ZNF165: variants seen among roughly 807,000 people sequenced by gnomAD.
ZNF165 encodes zinc finger protein 165, also known as cancer/testis antigen 53.
ZNF165 carries 14 observed loss-of-function variants against 19.6 expected under a neutral mutation model. The ratio of observed to expected loss-of-function variants is 0.71; its 90% CI spans 0.47 to 1.12. The LOEUF (loss-of-function observed/expected upper bound fraction) is 1.12, where lower values mean the gene tolerates loss of function less well. ZNF165 is among the 50% of genes most tolerant of loss of function. ZNF165 has a pLI of 0.00. For missense variants in ZNF165, 504 were observed against 566.3 expected, an observed-to-expected ratio of 0.89 and a Z score of 1.12; for synonymous variants, 165 against 195.0, an observed-to-expected ratio of 0.85 and a Z score of 1.28.
rs575937241 is a variant in ZNF165, at chr6:28,088,534, G to A, written c.551-29G>A. On this transcript the variant is annotated intron_variant, in intron 3 of 3. Coordinates refer to ENST00000683778, the MANE Select transcript of ZNF165 (RefSeq NM_001376491.1). ...AATTTTCTTTTCGTGCAGCAAACAG[G>A]TAATATTTCCCTTTCTTTTTTATTT... is the stretch of plus-strand genomic sequence containing the variant. The A allele has an allele frequency of 1.2e-5, 18 of 1,551,160 alleles. No homozygotes were observed. The East Asian group carries it at 3.8e-4, about 33-fold the overall frequency.
At chr6:28,081,769 C>A (rs1018717224) in intron 1 of ZNF165, among the ~76,000 whole-genome samples, 10 of 152,156 alleles carry the variant, frequency 6.6e-5, no homozygotes, top group Admixed American at 2.0e-4. Context: ...CTTCACACAT[C>A]TGCTTACCCA....
Position 28,085,838 on chromosome 6 carries a change from G to T in ZNF165, c.358G>T (p.Ala120Ser). 1 of 1,613,514 alleles carries T rather than the reference G, an allele frequency of 6.2e-7. No homozygotes were observed. Residue 120 changes from alanine to serine, a missense_variant, in exon 2 of 4, where the codon GCA becomes TCA. Physicochemically the swap from Ala to Ser is moderately conservative, Grantham distance 99. Coordinates refer to ENST00000683778, the MANE Select transcript of ZNF165 (RefSeq NM_001376491.1). ...ACATTACCCAGAGAGTGGAGAGGAG[G>T]CAGTGACCATACTAGAAGATTTGGA... Reference protein sequence around the residue: ...HEHYPESGEEAVTILEDLERG... With the variant: ...HEHYPESGEESVTILEDLERG...
chr6:28,088,347 C>T (rs1764334472), intron 3 of ZNF165, among the ~76,000 whole-genome samples: 2 of 152,144 alleles, frequency 1.3e-5, no homozygotes. Context: ...ATATATGCTT[C>T]ACGTCTGATT....
intron 3 of ZNF165, among the ~76,000 whole-genome samples, chr6:28,087,718 G>C (rs375813778): frequency 3.9e-5 from 6 of 152,108 alleles, no homozygotes; most frequent in Non-Finnish European, 7.3e-5. Flanking sequence ...AAAGAAGGGC[G>C]GTTCAATTCC....
In ZNF165 at chr6:28,086,371, C is replaced by T. The variant is rs575417051; in HGVS notation, c.550+61C>T. ...AAGAAACAGGGGAATGAATCTCCCT[C>T]CACAAACTAGTCTTGGTAACTGTAG... On this transcript the variant is annotated intron_variant, in intron 3 of 3. Transcript: ENST00000683778. 6.4e-6 allele frequency: 10 copies of T among 1,556,346 alleles called. No individual in the cohort carries two copies. In the Admixed American group the frequency reaches 1.2e-4, roughly 19 times the overall value.
At chr6:28,086,020 G>T in intron 2 of ZNF165, 129 bp downstream of exon 2, 2 of 1,492,776 alleles carry the variant, frequency 1.3e-6, no homozygotes, top group Non-Finnish European at 9.0e-7. Context: ...CTCCTTTCCT[G>T]TCTGTTTGAT....
chr6:28,081,213 A>G, intron 1 of ZNF165: 1 of 152,364 alleles, frequency 6.6e-6, no homozygotes, highest in Non-Finnish European at 1.5e-5. Flanking sequence ...TGGAGCGCTG[A>G]GGGCTTGGTG....
chr6:28,086,412 A>C (rs1764277178), intron 3 of ZNF165, 102 bp downstream of exon 3: 1 of 1,464,856 alleles, frequency 6.8e-7, no homozygotes, highest in Admixed American at 2.4e-5. Context: ...CCTTTCCTTT[A>C]TTACCCAATG....
In ZNF165 at chr6:28,088,544, CCTTT is replaced by C. The variant is rs1362995268; in HGVS notation, c.551-14_551-11del. On this transcript the variant is annotated splice_polypyrimidine_tract_variant and intron_variant, in intron 3 of 3. Transcript: ENST00000683778. The stretch of plus-strand genomic sequence containing the variant: ...TCGTGCAGCAAACAGGTAATATTTC[CCTTT>C]CTTTTTTATTTTAGATAATGAGAGT... 1.9e-6 allele frequency: 3 copies of C among 1,557,474 alleles called. No individual in the cohort carries two copies. The highest frequency in any genetic ancestry group is 2.6e-6 in the Non-Finnish European group (3 of 1,157,566).
Position 28,089,235 on chromosome 6 carries a change from C to G in ZNF165, c.1223C>G (p.Ala408Gly). ...TTTGGTTGCAAAGAATGTGGGAGAG[C>G]ATTCAACCTGAACTCACATCTTATC... is the stretch of plus-strand genomic sequence containing the variant. ...RPFGCKECGR[A>G]FNLNSHLIRH... The change falls in exon 4 of 4, where the codon GCA becomes GGA. Residue 408 changes from alanine (A) to glycine (G), a missense_variant. Physicochemically the swap from Ala to Gly is moderately conservative, Grantham distance 60. Transcript: ENST00000683778. The G allele has an allele frequency of 1.2e-6, 2 of 1,614,122 alleles. No individual in the cohort carries two copies. Among genetic ancestry groups the G allele is most frequent in the Non-Finnish European group, 1.7e-6 (2 of 1,179,998 alleles).
At position 28,086,329 on chromosome 6, in the gene ZNF165, T is replaced by C; in HGVS notation, c.550+19T>C. On this transcript the variant is annotated intron_variant, in intron 3 of 3. Coordinates refer to ENST00000683778, the MANE Select transcript of ZNF165 (RefSeq NM_001376491.1). Reference sequence around the variant, plus strand: ...GACTGTGGTGAGGGGCAGAATGCCATATAGTGCACATCACTAAAGAAACAG... The same window carrying C: ...GACTGTGGTGAGGGGCAGAATGCCACATAGTGCACATCACTAAAGAAACAG... 6.2e-7 allele frequency: 1 copy of C among 1,605,958 alleles called. No individual in the cohort carries two copies. Among genetic ancestry groups the C allele is most frequent in the Non-Finnish European group, 8.5e-7 (1 of 1,177,108 alleles).
chr6:28,089,142 G>A lies in ZNF165; in HGVS notation c.1130G>A (p.Cys377Tyr). ...TGERCYECNE[C>Y]GKSFAESSDL... ...GAGAGATGCTATGAATGTAATGAAT[G>A]TGGGAAAAGCTTTGCAGAGAGCTCA... is the stretch of plus-strand genomic sequence containing the variant. Residue 377 changes from cysteine (C) to tyrosine (Y), a missense_variant, in exon 4 of 4, where the codon TGT (cysteine) becomes TAT (tyrosine). Cys to Tyr is a radical substitution (Grantham distance 194). Coordinates refer to ENST00000683778, the MANE Select transcript of ZNF165 (RefSeq NM_001376491.1). 6.2e-7 allele frequency: 1 copy of A among 1,614,164 alleles called. No individual in the cohort carries two copies. The highest frequency in any genetic ancestry group is 8.5e-7 in the Non-Finnish European group (1 of 1,180,024).
chr6:28,083,588 G>C (rs1186166061), intron 1 of ZNF165, among the ~76,000 whole-genome samples: 1 of 152,178 alleles, frequency 6.6e-6, no homozygotes, highest in Non-Finnish European at 1.5e-5. Context: ...TCCAACCCTA[G>C]CCAATAGGGG....
At chr6:28,088,519 T>C (rs770470593) in intron 3 of ZNF165, 44 bp from the exon 4 acceptor site, 1 of 1,526,480 alleles carries the variant, frequency 6.6e-7, no homozygotes, top group Non-Finnish European at 8.8e-7. Flanking sequence ...AATTTTCTTT[T>C]CGTGCAGCAA....
intron 1 of ZNF165, among the ~76,000 whole-genome samples, chr6:28,084,033 CT>C: frequency 6.6e-6 from 1 of 152,174 alleles, no homozygotes; most frequent in East Asian, 1.9e-4. Flanking sequence ...CTTGTCAAAT[CT>C]TTTCTATTCT....
At chr6:28,083,563 G>T (rs1171873453) in intron 1 of ZNF165, among the ~76,000 whole-genome samples, 2 of 152,158 alleles carry the variant, frequency 1.3e-5, no homozygotes, top group East Asian at 3.8e-4. Context: ...GTTGGAATTA[G>T]CTTAGACTAT....
At chr6:28,081,152 G>C (rs1764145258) in intron 1 of ZNF165, 182 bp downstream of exon 1, 1 of 152,342 alleles carries the variant, frequency 6.6e-6, no homozygotes, top group Non-Finnish European at 1.5e-5. Flanking sequence ...TACGCATTTA[G>C]TGAGGGTTTG....
At chr6:28,088,313 ACAATCCTCC>A (rs1328199776) in intron 3 of ZNF165, among the ~76,000 whole-genome samples, 1 of 152,124 alleles carries the variant, frequency 6.6e-6, no homozygotes, top group African/African-American at 2.4e-5. Context: ...CTTGCTGATG[ACAATCCTCC>A]CAATCTTTTC....
rs1420143028 is a variant in ZNF165 at position 28,088,962 on chromosome 6, A to C, written c.950A>C (p.Glu317Ala). ...AACCATCAAATAATTTATGCTGGAG[A>C]AAAAAATCACCAATATGGAAAATCT... ...FINHQIIYAG[E>A]KNHQYGKSFK... The change falls in exon 4 of 4, where the codon GAA becomes GCA. Residue 317 changes from glutamate (E) to alanine (A), a missense_variant. Transcript: ENST00000683778. 2 of 1,614,030 alleles carry C rather than the reference A, an allele frequency of 1.2e-6. No individual in the cohort carries two copies. The highest frequency in any genetic ancestry group is 1.1e-5 in the South Asian group (1 of 91,078).
Sources: allele counts gnomAD v4.1 joint callset (sites outside exome capture counted in the v4.1 genomes callset), GRCh38; gene constraint gnomAD v4.1.1; transcripts MANE v1.5; gene names NCBI Gene and HGNC (gene_info 2026-07-23, HGNC 2026-07-21).